CPEB2: variants seen among roughly 807,000 people sequenced by gnomAD.
The protein encoded by CPEB2 is cytoplasmic polyadenylation element-binding protein 2.
In CPEB2, 56 loss-of-function variants were observed where a neutral mutation model predicts 93.6. The observed-to-expected ratio is 0.60, with a 90% CI of 0.48 to 0.75. The LOEUF (loss-of-function observed/expected upper bound fraction) is 0.75. CPEB2 is among the 30% of genes least tolerant of loss of function. The probability of loss-of-function intolerance (pLI) is 0.00; values close to 1 mark genes in which losing one functional copy is unlikely to be tolerated. For synonymous variants in CPEB2, 764 were observed against 586.3 expected (o/e 1.30, Z -4.38); for missense variants, 1,579 against 1,395.1 (o/e 1.13, Z -2.10).
At chr4:15,062,026 T>G (rs1368841174) in intron 10 of CPEB2, 53 bp from the exon 11 acceptor site, 7 of 1,449,772 alleles carry the variant, frequency 4.8e-6, no homozygotes, top group Middle Eastern at 1.9e-4. Context: ...ACTTAAAAAT[T>G]GTTGATTACT....
At chr4:15,027,198 G>C (rs140107400) in intron 4 of CPEB2, among the ~76,000 whole-genome samples, 1 of 152,060 alleles carries the variant, frequency 6.6e-6, no homozygotes, top group African/African-American at 2.4e-5. Context: ...GGTATTCTAT[G>C]TTCTTTGGTG....
chr4:15,014,324 A>G (rs1723846027), intron 3 of CPEB2, among the ~76,000 whole-genome samples: 1 of 152,090 alleles, frequency 6.6e-6, no homozygotes, highest in Non-Finnish European at 1.5e-5. Context: ...GGAAGATAAT[A>G]AAGTATTTTA....
chr4:15,058,388 G>A (rs1281199769), intron 8 of CPEB2, 33 bp from the exon 9 acceptor site: 1 of 1,261,370 alleles, frequency 7.9e-7, no homozygotes, highest in Non-Finnish European at 1.1e-6. Flanking sequence ...CACTTGGCTT[G>A]ACATATTGCC....
rs143336863 is a variant in CPEB2 at position 15,037,874 on chromosome 4, A to G, written c.2177-2590A>G. Among the ~76,000 whole-genome samples, 447 of 152,324 alleles carry G rather than the reference A, an allele frequency of 2.9e-3. 5 individuals carry two copies. The highest frequency in any genetic ancestry group is 0.011 in the African/African-American group (442 of 41,574). On this transcript the variant is annotated intron_variant, in intron 5 of 11. Transcript: ENST00000538197. ...TTATTAAAAGTCTTTTTAAAAACATAAGTCACTTAGTTTTTTTCTTAATAG... is the reference window on the plus strand; with the variant it reads ...TTATTAAAAGTCTTTTTAAAAACATGAGTCACTTAGTTTTTTTCTTAATAG...
At chr4:15,054,049 C>T (rs34991223) in intron 7 of CPEB2, 79 bp from the exon 8 acceptor site, 66,563 of 906,802 alleles carry the variant, frequency 0.073, 9,711 homozygotes, top group East Asian at 0.61. Flanking sequence ...AATGTTAAAT[C>T]TTCATAGTAA....
chr4:15,002,541 T>A lies in CPEB2; in HGVS notation c.-133T>A. ...TGGTGGGGCCGAAGTCGGTGCCCCCTGGCTCAGTCACGGTGTCCCTCTCTC... is the reference window on the plus strand; with the variant it reads ...TGGTGGGGCCGAAGTCGGTGCCCCCAGGCTCAGTCACGGTGTCCCTCTCTC... On this transcript the variant is annotated 5_prime_UTR_variant, in exon 1 of 12. Coordinates refer to ENST00000538197, the MANE Select transcript of CPEB2 (RefSeq NM_001177382.2). The A allele has an allele frequency of 7.8e-6, 5 of 638,288 alleles. No homozygotes were observed. Among genetic ancestry groups the A allele is most frequent in the Non-Finnish European group, 9.6e-6 (4 of 415,604 alleles). The allele number at this position is 638,288 out of a possible 1,614,324, so 39.5% of individuals were successfully genotyped here.
chr4:15,056,030 T>C (rs902621572), intron 8 of CPEB2, among the ~76,000 whole-genome samples: 2 of 152,226 alleles, frequency 1.3e-5, no homozygotes, highest in Admixed American at 1.3e-4. Context: ...TATTACATTT[T>C]TACAACTTTA....
intron 4 of CPEB2, among the ~76,000 whole-genome samples, chr4:15,019,504 T>A (rs778623329): frequency 4.6e-5 from 7 of 152,084 alleles, no homozygotes; most frequent in Non-Finnish European, 8.8e-5. Flanking sequence ...GAATTTGCTT[T>A]CCTTCTTTCC....
At chr4:15,029,489 G>A (rs907896215) in intron 4 of CPEB2, among the ~76,000 whole-genome samples, 11 of 152,014 alleles carry the variant, frequency 7.2e-5, no homozygotes, top group African/African-American at 2.7e-4. Flanking sequence ...GAAAGGAGCC[G>A]TGTCAAGAGC....
In CPEB2 at chr4:15,063,066, G is replaced by A. The variant is rs182031560; in HGVS notation, c.2877+806G>A. Reference sequence around the variant, plus strand: ...TAGCAGAAATACATTAAGAATATGCGGGTAAATGAATTTTTTATATCTGAA... The same window carrying A: ...TAGCAGAAATACATTAAGAATATGCAGGTAAATGAATTTTTTATATCTGAA... On this transcript the variant is annotated intron_variant, in intron 11 of 11. Coordinates refer to ENST00000538197, the MANE Select transcript of CPEB2 (RefSeq NM_001177382.2). Among the ~76,000 whole-genome samples, 41 of 152,010 alleles carry A rather than the reference G, an allele frequency of 2.7e-4. No individual in the cohort carries two copies. In the South Asian group the frequency reaches 3.9e-3, roughly 15 times the overall value.
intron 11 of CPEB2, among the ~76,000 whole-genome samples, chr4:15,063,299 G>C (rs902504960): frequency 1.3e-5 from 2 of 151,700 alleles, no homozygotes; most frequent in Non-Finnish European, 2.9e-5. Context: ...AAGAAATGCA[G>C]CATAGGTTCA....
intron 4 of CPEB2, among the ~76,000 whole-genome samples, chr4:15,025,723 A>G (rs1025554003): frequency 6.6e-5 from 10 of 152,014 alleles, no homozygotes; most frequent in Non-Finnish European, 1.5e-5. Context: ...ACACACAGTT[A>G]TAACCAGAGC....
At chr4:15,045,415 T>G (rs1727568141) in intron 6 of CPEB2, among the ~76,000 whole-genome samples, 1 of 152,148 alleles carries the variant, frequency 6.6e-6, no homozygotes, top group Admixed American at 6.5e-5. Flanking sequence ...ATATTATATA[T>G]ATATGAGCGT....
intron 3 of CPEB2, chr4:15,010,447 T>C (rs1167949287): frequency 6.6e-6 from 1 of 152,218 alleles, no homozygotes; most frequent in African/African-American, 2.4e-5. Context: ...CAACTGGACT[T>C]AAAAGCAGTG....
chr4:15,017,221 C>T lies in CPEB2; in HGVS notation c.2068C>T (p.His690Tyr), dbSNP rs1270222961. 4.4e-6 allele frequency: 7 copies of T among 1,600,654 alleles called. No homozygotes were observed. The highest frequency in any genetic ancestry group is 6.0e-6 in the Non-Finnish European group (7 of 1,169,908). The change falls in exon 4 of 12, where the codon CAC (histidine) becomes TAC (tyrosine). Residue 690 changes from histidine (H) to tyrosine (Y), a missense_variant. Coordinates refer to ENST00000538197, the MANE Select transcript of CPEB2 (RefSeq NM_001177382.2). ...RSRMYDSLNM[H>Y]SLENSLIDIM... ...TAGAATGTATGACAGTTTGAATATG[C>T]ACTCTTTGGAAAATTCCCTTATCGA...
chr4:15,032,949 A>C (rs1034825673), intron 4 of CPEB2, among the ~76,000 whole-genome samples: 1 of 152,180 alleles, frequency 6.6e-6, no homozygotes, highest in African/African-American at 2.4e-5. Flanking sequence ...TGATCTAGGA[A>C]CTAAGGTTAA....
chr4:15,036,869 G>A (rs1425313261), intron 5 of CPEB2, among the ~76,000 whole-genome samples: 2 of 152,176 alleles, frequency 1.3e-5, no homozygotes, highest in African/African-American at 2.4e-5. Flanking sequence ...GTCAGTAATT[G>A]TATTTCTGAA....
chr4:15,062,402 T>C (rs1729274706), intron 11 of CPEB2, 142 bp downstream of exon 11: 1 of 514,170 alleles, frequency 1.9e-6, no homozygotes, highest in African/African-American at 2.0e-5. Context: ...TATAAAAATA[T>C]CCTTGAAATG....
At chr4:15,009,863 G>A (rs1378618356) in intron 3 of CPEB2, among the ~76,000 whole-genome samples, 1 of 152,128 alleles carries the variant, frequency 6.6e-6, no homozygotes, top group African/African-American at 2.4e-5. Flanking sequence ...ATAATGAAAG[G>A]GAAGCTTTCA....
Sources: allele counts gnomAD v4.1 joint callset (sites outside exome capture counted in the v4.1 genomes callset), GRCh38; gene constraint gnomAD v4.1.1; transcripts MANE v1.5; gene names NCBI Gene and HGNC (gene_info 2026-07-23, HGNC 2026-07-21).